DNAH14: variants seen among roughly 807,000 people sequenced by gnomAD.
DNAH14 encodes the protein axonemal beta dynein heavy chain 14.
DNAH14 carries 478 observed loss-of-function variants against 520.9 expected under a neutral mutation model. The observed-to-expected ratio is 0.92, with a 90% CI of 0.85 to 0.99. The LOEUF (loss-of-function observed/expected upper bound fraction) is 0.99. DNAH14 is among the 50% of genes least tolerant of loss of function. DNAH14 has a pLI of 0.00. For synonymous variants in DNAH14, 1,581 were observed against 1,757.2 expected, an observed-to-expected ratio of 0.90 and a Z score of 2.51; for missense variants, 4,831 against 5,234.5, an observed-to-expected ratio of 0.92 and a Z score of 2.38.
At chr1:224,981,503 A>G (rs2062265214) in intron 8 of DNAH14, among the ~76,000 whole-genome samples, 1 of 151,910 alleles carries the variant, frequency 6.6e-6, no homozygotes, top group African/African-American at 2.4e-5. Context: ...ATTCTTCCTG[A>G]TTTAAGCTAG....
intron 32 of DNAH14, 36 bp from the exon 33 acceptor site, chr1:225,152,658 AGTG>A: frequency 2.7e-6 from 4 of 1,482,416 alleles, no homozygotes; most frequent in Non-Finnish European, 3.6e-6. Flanking sequence ...AAAATTGAGA[AGTG>A]GTGTTTTTAT....
At chr1:225,231,361 A>T (rs891041793) in intron 42 of DNAH14, among the ~76,000 whole-genome samples, 1 of 152,166 alleles carries the variant, frequency 6.6e-6, no homozygotes, top group Non-Finnish European at 1.5e-5. Context: ...AATATGCATT[A>T]TAGGAATACA....
chr1:225,027,297 A>T (rs2066190275), intron 11 of DNAH14, among the ~76,000 whole-genome samples: 1 of 152,126 alleles, frequency 6.6e-6, no homozygotes, highest in Non-Finnish European at 1.5e-5. Flanking sequence ...AGTGTTGATT[A>T]GGAATGGTGA....
Position 225,047,478 on chromosome 1 carries a change from T to A in DNAH14, c.1913-2732T>A, listed in dbSNP as rs935224910. ...ACCACTATTTTACAATTGCCTACAA[T>A]ATTCAGTATAGTAATATGCAGTAAA... is the stretch of plus-strand genomic sequence containing the variant. On this transcript the variant is annotated intron_variant, in intron 15 of 85. Transcript: ENST00000682510. Among the ~76,000 whole-genome samples, 6 of 152,168 alleles carry A rather than the reference T, an allele frequency of 3.9e-5. No homozygotes were observed. In the East Asian group the frequency reaches 1.2e-3, roughly 29 times the overall value.
In DNAH14 at chr1:225,384,797, G is replaced by T. The variant is rs370028557; in HGVS notation, c.13077+3218G>T. On this transcript the variant is annotated intron_variant, in intron 81 of 85. Transcript: ENST00000682510. ...GATTCACAGCCAAATTCTACCAGAG[G>T]TACAAAGAGGAGCTGGTACCATTCC... is the stretch of plus-strand genomic sequence containing the variant. 1.1e-3 allele frequency among the ~76,000 whole-genome samples: 172 copies of T among 152,262 alleles called. No individual in the cohort carries two copies. In the East Asian group the frequency reaches 0.026, roughly 23 times the overall value.
In DNAH14 at chr1:225,277,464, A is replaced by T. The variant is rs2093513848; in HGVS notation, c.8233A>T (p.Thr2745Ser). ...AGCCATAGAACACATCATAAGAGCAACAAGGGTTCTTCGACAACCAGGGAG... is the reference window on the plus strand; with the variant it reads ...AGCCATAGAACACATCATAAGAGCATCAAGGGTTCTTCGACAACCAGGGAG... ...KEAIEHIIRA[T>S]RVLRQPGSHM... is the part of the protein sequence containing the mutation. The change falls in exon 54 of 86, where the codon ACA becomes TCA. Residue 2745 changes from threonine to serine, a missense_variant. Transcript: ENST00000682510. The T allele has an allele frequency of 4.2e-6, 2 of 470,914 alleles. No individual in the cohort carries two copies. The highest frequency in any genetic ancestry group is 8.8e-6 in the Non-Finnish European group (2 of 227,000). The allele number at this position is 470,914 out of a possible 1,614,324, so 29.2% of individuals were successfully genotyped here. A position where few individuals can be genotyped will look rare whatever the true frequency, so the allele number is the denominator to read the frequency against.
At chr1:225,099,017 A>G (rs1553445778) in intron 22 of DNAH14, among the ~76,000 whole-genome samples, 1 of 152,164 alleles carries the variant, frequency 6.6e-6, no homozygotes, top group Non-Finnish European at 1.5e-5. Context: ...GATTCATTAA[A>G]GGGGCAGACT....
At chr1:225,042,021 A>G (rs1314074407) in intron 12 of DNAH14, among the ~76,000 whole-genome samples, 1 of 152,216 alleles carries the variant, frequency 6.6e-6, no homozygotes, top group African/African-American at 2.4e-5. Context: ...AACAAACACT[A>G]TACCCATTTG....
At position 225,106,508 on chromosome 1, in the gene DNAH14, T is replaced by G. The variant is rs1251768030; in HGVS notation, c.3867+5624T>G. 2.0e-5 allele frequency among the ~76,000 whole-genome samples: 3 copies of G among 152,200 alleles called. No individual in the cohort carries two copies. In the East Asian group the frequency reaches 5.8e-4, roughly 29 times the overall value. On this transcript the variant is annotated intron_variant, in intron 23 of 85. Coordinates refer to ENST00000682510, the MANE Select transcript of DNAH14 (RefSeq NM_001367479.1). ...CTTGGTTCCATTCTCCCTGTTACTT[T>G]CAGGTACACCAATCAGACGTAGATT... is the stretch of plus-strand genomic sequence containing the variant.
intron 10 of DNAH14, among the ~76,000 whole-genome samples, chr1:225,011,289 G>A (rs1428871057): frequency 3.9e-5 from 6 of 152,128 alleles, no homozygotes; most frequent in African/African-American, 1.4e-4. Context: ...AGTGATTCTG[G>A]TATGTTATGT....
chr1:225,076,160 G>C (rs919568771), intron 17 of DNAH14, among the ~76,000 whole-genome samples: 7 of 152,202 alleles, frequency 4.6e-5, no homozygotes, highest in African/African-American at 1.7e-4. Context: ...ACGGAGGGCT[G>C]TCTGGAACCC....
chr1:225,106,040 T>G (rs1317969274), intron 23 of DNAH14, among the ~76,000 whole-genome samples: 1 of 140,006 alleles, frequency 7.1e-6, no homozygotes, highest in Non-Finnish European at 1.5e-5. Flanking sequence ...TTTCCATGTT[T>G]AGTGCTTCCT....
intron 43 of DNAH14, among the ~76,000 whole-genome samples, chr1:225,246,893 A>G (rs1353822063): frequency 6.6e-6 from 1 of 152,210 alleles, no homozygotes; most frequent in Non-Finnish European, 1.5e-5. Flanking sequence ...ACCCAAAGGA[A>G]TATAATCATT....
intron 36 of DNAH14, among the ~76,000 whole-genome samples, chr1:225,181,372 G>C (rs1435281134): frequency 6.6e-6 from 1 of 152,158 alleles, no homozygotes; most frequent in African/African-American, 2.4e-5. Context: ...GCAAATGGTA[G>C]TTCTATTTTT....
At chr1:225,233,761 A>G (rs1390195409) in intron 42 of DNAH14, among the ~76,000 whole-genome samples, 2 of 151,772 alleles carry the variant, frequency 1.3e-5, no homozygotes, top group Non-Finnish European at 1.5e-5. Context: ...ATGATAGCTT[A>G]TTTTGCTGTG....
Position 225,398,369 on chromosome 1 carries a change from G to GA in DNAH14, c.13492-143dup, listed in dbSNP as rs569447553. On this transcript the variant is annotated intron_variant, in intron 84 of 85. Transcript: ENST00000682510. The stretch of plus-strand genomic sequence containing the variant: ...GTCGTTTTTAAAGCACTCAGAATAG[G>GA]AAAAAAAATAAGTATTCACCTTAGA... 7.4e-5 allele frequency: 70 copies of GA among 943,222 alleles called. 1 individual carries two copies. The highest frequency in any genetic ancestry group is 3.7e-4 in the South Asian group (19 of 51,700). 58.4% of individuals were successfully genotyped at this position (943,222 alleles called of 1,614,324 possible).
In DNAH14 at chr1:225,167,366, A is replaced by G. The variant is rs1573646758; in HGVS notation, c.5446-573A>G. Among the ~76,000 whole-genome samples the G allele has an allele frequency of 3.3e-5, 5 of 152,354 alleles. No individual in the cohort carries two copies. In the South Asian group the frequency reaches 1.0e-3, roughly 32 times the overall value. On this transcript the variant is annotated intron_variant, in intron 35 of 85. Transcript: ENST00000682510. ...TCTACAGTGAAATAAACCCTCCTTT[A>G]GAAGGAAGCACAGTTTCCCTTATAA...
chr1:225,245,696 C>G (rs1440969164), intron 43 of DNAH14, among the ~76,000 whole-genome samples: 2 of 152,116 alleles, frequency 1.3e-5, no homozygotes, highest in Non-Finnish European at 2.9e-5. Context: ...TCAAGGAGAA[C>G]TACAAACTGC....
chr1:224,936,072 A>G (rs1050028394), intron 1 of DNAH14, among the ~76,000 whole-genome samples: 2 of 151,926 alleles, frequency 1.3e-5, no homozygotes, highest in African/African-American at 4.8e-5. Context: ...AGTAAGTGCT[A>G]ATGGGGAATT....
Sources: allele counts gnomAD v4.1 joint callset (sites outside exome capture counted in the v4.1 genomes callset), GRCh38; gene constraint gnomAD v4.1.1; transcripts MANE v1.5; gene names NCBI Gene and HGNC (gene_info 2026-07-23, HGNC 2026-07-21).